RIC1: variants seen among roughly 807,000 people sequenced by gnomAD.
RIC1 encodes the protein RIC1 partner of RAB6A GEF complex.
In RIC1, 88 loss-of-function variants were observed where a neutral mutation model predicts 169.0. The ratio of observed to expected loss-of-function variants is 0.52; its 90% CI spans 0.44 to 0.62. RIC1 has a LOEUF of 0.62. RIC1 is among the 20% of genes least tolerant of loss of function. The pLI, the probability that RIC1 is intolerant of heterozygous loss-of-function variation, is 0.00. For synonymous variants in RIC1, 790 were observed against 601.5 expected (o/e 1.31, Z -4.59); for missense variants, 1,877 against 1,725.5 (o/e 1.09, Z -1.56).
At position 5,756,316 on chromosome 9, in the gene RIC1, A is replaced by G. The variant is rs1826010341; in HGVS notation, c.1797A>G (p.Ile599Met). 6.3e-7 allele frequency: 1 copy of G among 1,595,984 alleles called. No homozygotes were observed. The highest frequency in any genetic ancestry group is 1.1e-5 in the South Asian group (1 of 88,054). Residue 599 changes from isoleucine (I) to methionine (M), a missense_variant, in exon 16 of 26, where the codon ATA becomes ATG. Ile to Met is a conservative substitution (Grantham distance 10, BLOSUM62 1). Coordinates refer to ENST00000414202, the MANE Select transcript of RIC1 (RefSeq NM_020829.4). ...TTAGTGTCTTCCAGGACATGGTAAT[A>G]GTATTTAGAGCAGACTGTTCAATAT... ...LLLSVFQDMV[I>M]VFRADCSICL... is the part of the protein sequence containing the mutation.
rs571833638 is a variant in RIC1 at position 5,681,139 on chromosome 9, G to T, written c.253-8820G>T. The stretch of plus-strand genomic sequence containing the variant: ...CCGCGCCCGGCCGATTTTTTTTAAG[G>T]TTTTTTTGTGTCTCTATTTCCTTCA... On this transcript the variant is annotated intron_variant, in intron 2 of 25. Transcript: ENST00000414202. 3.3e-5 allele frequency among the ~76,000 whole-genome samples: 5 copies of T among 151,870 alleles called. No homozygotes were observed. In the South Asian group the frequency reaches 1.0e-3, roughly 32 times the overall value.
At chr9:5,708,461 C>A (rs1478583884) in intron 3 of RIC1, among the ~76,000 whole-genome samples, 1 of 152,036 alleles carries the variant, frequency 6.6e-6, no homozygotes, top group Non-Finnish European at 1.5e-5. Flanking sequence ...TAGTTCAGGT[C>A]TACTTGTGAC....
At chr9:5,670,847 T>G (rs1477070756) in intron 2 of RIC1, among the ~76,000 whole-genome samples, 1 of 152,090 alleles carries the variant, frequency 6.6e-6, no homozygotes, top group Non-Finnish European at 1.5e-5. Context: ...TTTTCAAGGA[T>G]AGTTTGGTGG....
chr9:5,770,362 C>A, intron 23 of RIC1, 84 bp downstream of exon 23: 1 of 1,185,358 alleles, frequency 8.4e-7, no homozygotes, highest in Admixed American at 2.2e-5. Context: ...GACCTTCATT[C>A]TTTTTCTATC....
chr9:5,727,370 G>C (rs940003061), intron 6 of RIC1, among the ~76,000 whole-genome samples: 2 of 152,182 alleles, frequency 1.3e-5, no homozygotes, highest in African/African-American at 4.8e-5. Flanking sequence ...GTTCTCGTGC[G>C]ATGGTTTTCA....
rs1177924825 is a variant in RIC1 at position 5,629,397 on chromosome 9, C to G, written c.88C>G (p.Gln30Glu). 2.0e-6 allele frequency: 3 copies of G among 1,534,436 alleles called. No individual in the cohort carries two copies. The Admixed American group carries it at 5.9e-5, about 30-fold the overall frequency. ...EAPFHVQSDPQRAFFAVLAAA... is the reference protein window; with the variant it reads ...EAPFHVQSDPERAFFAVLAAA... ...GCCTTTCCACGTTCAGTCCGACCCG[C>G]AGAGGGCTTTCTTCGCCGTGCTGGC... Residue 30 changes from glutamine (Q) to glutamate (E), a missense_variant, in exon 1 of 26, where the codon CAG (glutamine) becomes GAG (glutamate). Transcript: ENST00000414202.
At chr9:5,632,827 CTA>C (rs1817781485) in intron 1 of RIC1, among the ~76,000 whole-genome samples, 1 of 152,152 alleles carries the variant, frequency 6.6e-6, no homozygotes, top group Admixed American at 6.5e-5. Flanking sequence ...CTAACTGTGA[CTA>C]TGAAAGTCTA....
At chr9:5,673,619 A>T (rs895413086) in intron 2 of RIC1, among the ~76,000 whole-genome samples, 2 of 149,746 alleles carry the variant, frequency 1.3e-5, no homozygotes, top group Admixed American at 1.3e-4. Context: ...AAAGAATAGC[A>T]AAGTAAATAA....
chr9:5,632,620 A>G (rs1318749254), intron 1 of RIC1, among the ~76,000 whole-genome samples: 2 of 152,096 alleles, frequency 1.3e-5, no homozygotes, highest in African/African-American at 2.4e-5. Context: ...TGTAGGCTAG[A>G]TTGGGGTGGT....
At position 5,738,546 on chromosome 9, in the gene RIC1, T is replaced by TC; in HGVS notation, c.901+8_901+9insC. The stretch of plus-strand genomic sequence containing the variant: ...CAGCAAAACAGTATCCTGGTGAGTC[T>TC]TTTTTTTTTTTTTTTTTTTTAACAT... On this transcript the variant is annotated intron_variant, in intron 8 of 25. Transcript: ENST00000414202. The TC allele has an allele frequency of 5.6e-6, 1 of 177,576 alleles. No homozygotes were observed. Among genetic ancestry groups the TC allele is most frequent in the South Asian group, 9.1e-5 (1 of 10,978 alleles). 11.0% of individuals were successfully genotyped at this position (177,576 alleles called of 1,614,324 possible).
intron 9 of RIC1, among the ~76,000 whole-genome samples, chr9:5,743,278 A>G (rs779178454): frequency 6.6e-6 from 1 of 152,182 alleles, no homozygotes; most frequent in Non-Finnish European, 1.5e-5. Flanking sequence ...AGAATCAGGC[A>G]TGGTTCTGCT....
chr9:5,685,130 TACAA>T (rs1289614551), intron 2 of RIC1, among the ~76,000 whole-genome samples: 1 of 151,292 alleles, frequency 6.6e-6, no homozygotes, highest in African/African-American at 2.4e-5. Flanking sequence ...TAAAAGAGGA[TACAA>T]ACAAATGGAA....
chr9:5,675,944 C>T (rs558156894), intron 2 of RIC1, among the ~76,000 whole-genome samples: 14 of 152,274 alleles, frequency 9.2e-5, no homozygotes, highest in Admixed American at 7.8e-4. Flanking sequence ...AAAATTATGA[C>T]AGTAAAAGAA....
At position 5,770,098 on chromosome 9, in the gene RIC1, C is replaced by G. The variant is rs746609104; in HGVS notation, c.3436C>G (p.Leu1146Val). The G allele has an allele frequency of 1.2e-6, 2 of 1,611,804 alleles. No individual in the cohort carries two copies. Among genetic ancestry groups the G allele is most frequent in the Non-Finnish European group, 8.5e-7 (1 of 1,178,942 alleles). Residue 1146 changes from leucine to valine, a missense_variant, in exon 23 of 26, where the codon CTG becomes GTG. Leu to Val is a conservative substitution (Grantham distance 32, BLOSUM62 1). Around this residue, in one of 3 missense-constraint regions of RIC1, gnomAD observed 681 missense variants for 582.0 expected, o/e 1.17. Transcript: ENST00000414202. ...GACCCACTCTGCAGTGGGAGAGCAGCTGTTAAAGTCTCAATCAGCTGACCC... is the reference window on the plus strand; with the variant it reads ...GACCCACTCTGCAGTGGGAGAGCAGGTGTTAAAGTCTCAATCAGCTGACCC... ...NGKYRTVGEQ[L>V]LKSQSADPFL...
chr9:5,692,300 C>G (rs1821631034), intron 3 of RIC1, among the ~76,000 whole-genome samples: 1 of 152,006 alleles, frequency 6.6e-6, no homozygotes, highest in Non-Finnish European at 1.5e-5. Flanking sequence ...CTTTCCTCAT[C>G]TGTAGAGTAG....
chr9:5,774,227 A>G lies in RIC1; in HGVS notation c.4253A>G (p.Tyr1418Cys). 6.2e-7 allele frequency: 1 copy of G among 1,610,220 alleles called. No homozygotes were observed. Among genetic ancestry groups the G allele is most frequent in the Non-Finnish European group, 8.5e-7 (1 of 1,178,030 alleles). The part of the protein sequence containing the change: ...EEEEPFQDGT[Y>C]DCSVS Reference sequence around the variant, plus strand: ...GAAGAACCTTTTCAGGATGGGACTTACGACTGTTCTGTGTCCTAACAGTGA... The same window carrying G: ...GAAGAACCTTTTCAGGATGGGACTTGCGACTGTTCTGTGTCCTAACAGTGA... The change falls in exon 26 of 26, where the codon TAC becomes TGC. Residue 1418 changes from tyrosine to cysteine, a missense_variant. Physicochemically the swap from Tyr to Cys is radical, Grantham distance 194. Coordinates refer to ENST00000414202, the MANE Select transcript of RIC1 (RefSeq NM_020829.4).
intron 6 of RIC1, among the ~76,000 whole-genome samples, chr9:5,729,278 G>A (rs149486003): frequency 1.3e-4 from 20 of 152,268 alleles, no homozygotes; most frequent in Non-Finnish European, 5.9e-5. Flanking sequence ...CCAGTTTTCC[G>A]TAGGAGTGGA....
At chr9:5,702,542 G>GTT (rs1405630618) in intron 3 of RIC1, among the ~76,000 whole-genome samples, 5 of 74,998 alleles carry the variant, frequency 6.7e-5, no homozygotes, top group Admixed American at 4.1e-4. Context: ...TTTTGTTTTT[G>GTT]TTTGTTTGTT....
intron 2 of RIC1, among the ~76,000 whole-genome samples, chr9:5,688,451 T>C (rs1439008755): frequency 6.6e-6 from 1 of 152,230 alleles, no homozygotes; most frequent in African/African-American, 2.4e-5. Context: ...TTTGTTGTTG[T>C]TGTTGTTCTT....
Sources: gnomAD v4.1 joint callset for allele counts (sites outside exome capture counted in the v4.1 genomes callset) on GRCh38, gnomAD v4.1.1 for gene constraint, gnomAD v4.1.1 regional missense constraint, MANE v1.5 for transcripts, NCBI Gene and HGNC (gene_info 2026-07-23, HGNC 2026-07-21) for gene names.